The following TET3 variants were observed in gnomAD, a reference collection of about 807,000 sequenced individuals.
The protein encoded by TET3 is tet methylcytosine dioxygenase 3, also known as methylcytosine dioxygenase TET3.
TET3 carries 19 observed loss-of-function variants against 141.4 expected under a neutral mutation model. That is an observed-to-expected ratio of 0.13 (90% CI 0.09 to 0.20). The LOEUF (loss-of-function observed/expected upper bound fraction) is 0.20, where lower values mean the gene tolerates loss of function less well. Among genes scored for constraint, TET3 ranks in the 10% least tolerant of loss-of-function variants. The pLI is 1.00. For synonymous variants in TET3, 1,043 were observed against 980.9 expected, an observed-to-expected ratio of 1.06 and a Z score of -1.18; for missense variants, 1,874 against 2,356.9, an observed-to-expected ratio of 0.80 and a Z score of 4.24.
At chr2:74,127,111 C>G in the TET3 span, among the ~76,000 whole-genome samples, 1 of 152,262 alleles carries the variant, frequency 6.6e-6, no homozygotes, top group South Asian at 2.1e-4. Context: ...GAAAAATGAG[C>G]TGCTTGCCTC....
In TET3 at chr2:74,046,804, A is replaced by AAGG. The variant is rs1687648280; in HGVS notation, c.891_893dup (p.Gly298dup). 1.2e-6 allele frequency: 2 copies of AAGG among 1,613,154 alleles called. No individual in the cohort carries two copies. The highest frequency in any genetic ancestry group is 3.3e-5 in the Admixed American group (2 of 60,000). On this transcript the variant is annotated inframe_insertion, in exon 4 of 12. Coordinates refer to ENST00000409262, the MANE Select transcript of TET3 (RefSeq NM_001287491.2). This position sits in a 1 kb window ranked among gnomAD's most constrained non-coding sequence, Gnocchi z 4.3. ...GGGAAGATCAAGTCTGTGGTCATGG[A>AAGG]AGGAGGGGAGGAGCGGCCCAGGCTC...
chr2:74,092,480 T>A (rs1322681798), intron 8 of TET3, among the ~76,000 whole-genome samples: 1 of 152,108 alleles, frequency 6.6e-6, no homozygotes, highest in Non-Finnish European at 1.5e-5. Flanking sequence ...CTAGCATGGA[T>A]CCTGCCTGCC....
chr2:74,090,495 C>T (rs1293292155), intron 8 of TET3, among the ~76,000 whole-genome samples: 6 of 152,182 alleles, frequency 3.9e-5, no homozygotes, highest in African/African-American at 9.7e-5. Context: ...GCCTGGCTGC[C>T]GGACAGATGT....
chr2:74,121,566 G>C, the TET3 span: 3 of 152,240 alleles, frequency 2.0e-5, no homozygotes. Flanking sequence ...AGGCAAACCA[G>C]GGTCAGCTGT....
chr2:74,110,387 C>T (rs1394466408), downstream of TET3, among the ~76,000 whole-genome samples: 1 of 152,170 alleles, frequency 6.6e-6, no homozygotes, highest in Admixed American at 6.5e-5. Flanking sequence ...CTCTTGTAAG[C>T]TTCTTAAGCT....
At chr2:74,067,980 A>C (rs545669381) in intron 4 of TET3, among the ~76,000 whole-genome samples, 1 of 152,280 alleles carries the variant, frequency 6.6e-6, no homozygotes, top group African/African-American at 2.4e-5. Flanking sequence ...TTTGGGGACT[A>C]TAACTGGTGG....
At chr2:73,993,270 C>T (rs925292231) in intron 2 of TET3, 2 of 152,236 alleles carry the variant, frequency 1.3e-5, no homozygotes, top group Non-Finnish European at 2.9e-5. Flanking sequence ...AATTGCTCAC[C>T]TGAGTCCTGA....
chr2:74,043,359 C>T (rs768024649), intron 3 of TET3, among the ~76,000 whole-genome samples: 18 of 152,188 alleles, frequency 1.2e-4, no homozygotes, highest in South Asian at 1.0e-3. Context: ...CTTTCCTTTG[C>T]CTGAGTGTTA....
At chr2:74,135,052 A>G in the TET3 span, 12 of 235,810 alleles carry the variant, frequency 5.1e-5, no homozygotes, top group Middle Eastern at 1.6e-3. Flanking sequence ...CCTACCAAGA[A>G]TCAAAGGGTG....
intron 6 of TET3, among the ~76,000 whole-genome samples, chr2:74,083,877 G>T (rs970550253): frequency 6.6e-6 from 1 of 152,152 alleles, no homozygotes; most frequent in Admixed American, 6.5e-5. Context: ...GATTGGCTGC[G>T]TTCCCCCTGG....
chr2:74,089,776 C>A, intron 7 of TET3, 121 bp from the exon 8 acceptor site: 1 of 1,336,522 alleles, frequency 7.5e-7, no homozygotes, highest in Non-Finnish European at 1.0e-6. Context: ...AAGGATGAGT[C>A]TCAGTCACTG....
intron 3 of TET3, among the ~76,000 whole-genome samples, chr2:74,005,957 C>A (rs1316918034): frequency 6.6e-6 from 1 of 152,114 alleles, no homozygotes; most frequent in Non-Finnish European, 1.5e-5. Context: ...GGCCGCCCTG[C>A]TTTCAAGGCT....
chr2:74,000,628 G>A (rs1199533357), intron 2 of TET3, among the ~76,000 whole-genome samples: 1 of 152,164 alleles, frequency 6.6e-6, no homozygotes, highest in East Asian at 1.9e-4. Flanking sequence ...AAAGGGAAGT[G>A]ATTGGGTTCA....
intron 3 of TET3, among the ~76,000 whole-genome samples, chr2:74,038,797 A>T (rs752384450): frequency 6.6e-6 from 1 of 152,176 alleles, no homozygotes; most frequent in Non-Finnish European, 1.5e-5. Context: ...AGTTGACCAT[A>T]CACTCTTACG....
intron 5 of TET3, among the ~76,000 whole-genome samples, chr2:74,078,929 G>A (rs10164943): frequency 0.34 from 51,166 of 152,050 alleles, 9,722 homozygotes; most frequent in African/African-American, 0.51. Context: ...GACTCTTAGT[G>A]GCACCCTTCA....
chr2:74,000,820 G>A (rs1237181266), intron 2 of TET3, among the ~76,000 whole-genome samples: 1 of 152,164 alleles, frequency 6.6e-6, no homozygotes, highest in Non-Finnish European at 1.5e-5. Flanking sequence ...CTTGTATGGG[G>A]AGTAAGTCAA....
intron 3 of TET3, among the ~76,000 whole-genome samples, chr2:74,009,325 C>T (rs1490963720): frequency 6.6e-6 from 1 of 152,202 alleles, no homozygotes; most frequent in Non-Finnish European, 1.5e-5. Flanking sequence ...GAGCTGAGAA[C>T]CCTGCCTGGA....
intron 3 of TET3, among the ~76,000 whole-genome samples, chr2:74,007,747 G>T (rs897093146): frequency 6.6e-6 from 1 of 152,222 alleles, no homozygotes; most frequent in African/African-American, 2.4e-5. Context: ...AAAGTGAGGG[G>T]ATTGCCTTCC....
the TET3 span, among the ~76,000 whole-genome samples, chr2:74,123,857 G>A: frequency 2.7e-5 from 4 of 147,062 alleles, no homozygotes; most frequent in South Asian, 4.3e-4. Context: ...TGTGGGGAGC[G>A]CCTCTGCCCC....
Sources: gnomAD v4.1 joint callset for allele counts (sites outside exome capture counted in the v4.1 genomes callset) on GRCh38, gnomAD v4.1.1 for gene constraint, Gnocchi (gnomAD v3.1) non-coding constraint, MANE v1.5 for transcripts, NCBI Gene and HGNC (gene_info 2026-07-23, HGNC 2026-07-21) for gene names.